TBXT: variants seen among roughly 807,000 people sequenced by gnomAD.
The protein encoded by TBXT is T-box transcription factor T.
In TBXT, 19 loss-of-function variants were observed where a neutral mutation model predicts 41.1. That is an observed-to-expected ratio of 0.46 (90% CI 0.32 to 0.68). The LOEUF (loss-of-function observed/expected upper bound fraction) is 0.68, where lower values mean the gene tolerates loss of function less well. TBXT is among the 30% of genes least tolerant of loss of function. The probability of loss-of-function intolerance (pLI) is 0.03; values close to 1 mark genes in which losing one functional copy is unlikely to be tolerated. For missense variants in TBXT, 536 were observed against 582.0 expected, an observed-to-expected ratio of 0.92 and a Z score of 0.81; for synonymous variants, 213 against 238.9, an observed-to-expected ratio of 0.89 and a Z score of 1.00.
At position 166,162,436 on chromosome 6, in the gene TBXT, T is replaced by C. The variant is rs1461818210; in HGVS notation, c.907+11A>G. On this transcript the variant is annotated intron_variant, in intron 6 of 7. Coordinates refer to ENST00000366876, the MANE Select transcript of TBXT (RefSeq NM_001366285.2). Reference sequence around the variant, plus strand: ...CCACCAACCCCTGGCAGAATGAGGCTGAGGACTCACTTGGAGAATTGTTCC... The same window carrying C: ...CCACCAACCCCTGGCAGAATGAGGCCGAGGACTCACTTGGAGAATTGTTCC... 6.2e-7 allele frequency: 1 copy of C among 1,614,104 alleles called. No individual in the cohort carries two copies. The highest frequency in any genetic ancestry group is 1.7e-5 in the Admixed American group (1 of 60,022).
At chr6:166,167,942 G>A (rs1400765686), upstream of TBXT, 3 of 381,114 alleles carry the variant, frequency 7.9e-6, no homozygotes, top group East Asian at 1.8e-4. Flanking sequence ...GCTTTGAAGT[G>A]CCGGGCAGCC....
intron 2 of TBXT, among the ~76,000 whole-genome samples, chr6:166,166,296 C>A (rs1490376698): frequency 7.3e-6 from 1 of 136,086 alleles, no homozygotes; most frequent in Admixed American, 6.8e-5. Context: ...TGCGACTTTG[C>A]CATCAAGGCT....
chr6:166,159,168 G>A (rs995517249), intron 7 of TBXT, among the ~76,000 whole-genome samples: 11 of 152,294 alleles, frequency 7.2e-5, no homozygotes, highest in South Asian at 6.2e-4. Context: ...GTGAAACTCC[G>A]TCAAACAAAC....
chr6:166,166,972 C>T, intron 1 of TBXT, 116 bp from the exon 2 acceptor site: 1 of 1,549,988 alleles, frequency 6.5e-7, no homozygotes. Flanking sequence ...CCCTGGGGAA[C>T]GTCCGAGGGT....
At position 166,161,679 on chromosome 6, in the gene TBXT, T is replaced by C. The variant is rs139125491; in HGVS notation, c.908-713A>G. ...GGCTCACGCCTGTAATCCCAGCACT[T>C]TGGGAGGCCGAGGCGGGTGGATCAC... On this transcript the variant is annotated intron_variant, in intron 6 of 7. Coordinates refer to ENST00000366876, the MANE Select transcript of TBXT (RefSeq NM_001366285.2). Among the ~76,000 whole-genome samples the C allele has an allele frequency of 1.5e-3, 228 of 151,068 alleles. 1 individual carries two copies. The highest frequency in any genetic ancestry group is 5.2e-3 in the African/African-American group (215 of 41,132).
Position 166,158,550 on chromosome 6 carries a change from A to G in TBXT, c.1076T>C (p.Val359Ala). The G allele has an allele frequency of 1.3e-6, 2 of 1,591,590 alleles. No homozygotes were observed. Among genetic ancestry groups the G allele is most frequent in the Non-Finnish European group, 1.7e-6 (2 of 1,165,428 alleles). Residue 359 changes from valine (V) to alanine (A), a missense_variant, in exon 8 of 8, where the codon GTC (valine) becomes GCC (alanine). Transcript: ENST00000366876. The part of the protein sequence containing the change: ...PSLWSVSNGA[V>A]TPGSQAAAVS... Reference sequence around the variant, plus strand: ...GGCTGCTGCCTGGGAGCCCGGGGTGACGGCGCCGTTGCTCACAGACCACAG... The same window carrying G: ...GGCTGCTGCCTGGGAGCCCGGGGTGGCGGCGCCGTTGCTCACAGACCACAG...
rs770409084 is a variant in TBXT, at chr6:166,165,687, C to G, written c.606+19G>C. On this transcript the variant is annotated intron_variant, in intron 3 of 7. Coordinates refer to ENST00000366876, the MANE Select transcript of TBXT (RefSeq NM_001366285.2). Reference sequence around the variant, plus strand: ...CACCGCAGCACACCGGGAAAGCGATCCGCCTCTGTCCTTCTCACCTCCTCG... The same window carrying G: ...CACCGCAGCACACCGGGAAAGCGATGCGCCTCTGTCCTTCTCACCTCCTCG... 2 of 1,613,550 alleles carry G rather than the reference C, an allele frequency of 1.2e-6. No homozygotes were observed. The highest frequency in any genetic ancestry group is 3.3e-5 in the Admixed American group (2 of 60,018).
rs779700774 is a variant in TBXT at position 166,160,855 on chromosome 6, C to T, written c.1019G>A (p.Ser340Asn). 5.0e-6 allele frequency: 8 copies of T among 1,614,024 alleles called. No homozygotes were observed. Among genetic ancestry groups the T allele is most frequent in the Non-Finnish European group, 6.8e-6 (8 of 1,180,040 alleles). Reference sequence around the variant, plus strand: ...ACATTACCTGGAGCTGGTAGGTGGGCTGGCATTGTGGCTCACGGGGAGCAT... The same window carrying T: ...ACATTACCTGGAGCTGGTAGGTGGGTTGGCATTGTGGCTCACGGGGAGCAT... The part of the protein sequence containing the change: ...PSMLPVSHNA[S>N]PPTSSSQYPS... Residue 340 changes from serine (S) to asparagine (N), a missense_variant, in exon 7 of 8, where the codon AGC (serine) becomes AAC (asparagine). Ser to Asn is a conservative substitution (Grantham distance 46, BLOSUM62 1). Transcript: ENST00000366876.
chr6:166,160,665 T>C (rs1778924802), intron 7 of TBXT, among the ~76,000 whole-genome samples, 172 bp downstream of exon 7: 1 of 152,128 alleles, frequency 6.6e-6, no homozygotes, highest in Non-Finnish European at 1.5e-5. Flanking sequence ...TCGGCAGTCA[T>C]GTCACCTGCA....
chr6:166,168,388 T>C (rs1779212530), upstream of TBXT: 1 of 152,294 alleles, frequency 6.6e-6, no homozygotes, highest in Admixed American at 6.5e-5. Context: ...TGGCCGGGCT[T>C]TGGGATGCGC....
At chr6:166,166,516 C>T in intron 2 of TBXT, 76 bp downstream of exon 2, 1 of 1,607,572 alleles carries the variant, frequency 6.2e-7, no homozygotes, top group Non-Finnish European at 8.5e-7. Flanking sequence ...GCGTCCCTTC[C>T]CACAACCCCC....
intron 3 of TBXT, among the ~76,000 whole-genome samples, chr6:166,165,352 G>A (rs902272046): frequency 6.6e-6 from 1 of 152,016 alleles, no homozygotes; most frequent in African/African-American, 2.4e-5. Context: ...CCACCCTTTG[G>A]GGAAGATTTC....
At chr6:166,159,151 AACAAGAGTGAAACTCCGTCAAAC>A (rs1288286307) in intron 7 of TBXT, among the ~76,000 whole-genome samples, 3 of 152,256 alleles carry the variant, frequency 2.0e-5, no homozygotes, top group Admixed American at 2.0e-4. Flanking sequence ...CAGTCTGGGC[AACAAGAGTGAAACTCCGTCAAAC>A]AAACACACAA....
intron 7 of TBXT, among the ~76,000 whole-genome samples, chr6:166,160,021 T>G (rs2128521545): frequency 6.6e-6 from 1 of 152,338 alleles, no homozygotes; most frequent in African/African-American, 2.4e-5. Context: ...CATATTTTGG[T>G]ATTCTAGAAA....
intron 4 of TBXT, 39 bp downstream of exon 4, chr6:166,164,761 T>C (rs199772922): frequency 6.2e-7 from 1 of 1,611,752 alleles, no homozygotes; most frequent in African/African-American, 1.3e-5. Context: ...TTCTGCATAC[T>C]TCTTTGCCCA....
At chr6:166,161,041 C>T (rs1778941101) in intron 6 of TBXT, 75 bp from the exon 7 acceptor site, 2 of 1,576,602 alleles carry the variant, frequency 1.3e-6, no homozygotes, top group Non-Finnish European at 1.7e-6. Flanking sequence ...GAAATACCAC[C>T]AATAACTGAA....
chr6:166,168,076 C>A (rs1779194503), upstream of TBXT, among the ~76,000 whole-genome samples: 1 of 152,164 alleles, frequency 6.6e-6, no homozygotes, highest in African/African-American at 2.4e-5. Flanking sequence ...CGAGCCCCGG[C>A]CCAGCCCCTA....
chr6:166,162,513 G>T lies in TBXT; in HGVS notation c.841C>A (p.Pro281Thr), dbSNP rs759343495. The change falls in exon 6 of 8, where the codon CCA becomes ACA. Residue 281 changes from proline to threonine, a missense_variant. By Grantham distance (38) the Pro-to-Thr change is conservative. Coordinates refer to ENST00000366876, the MANE Select transcript of TBXT (RefSeq NM_001366285.2). ...LPSTHSCDRY[P>T]TLRSHRSSPY... ...GAGGACCGGTGGCTCCTCAGGGTTG[G>T]GTACCTGTCACAGCTGTGCGTGGAG... The T allele has an allele frequency of 2.5e-6, 4 of 1,614,028 alleles. No individual in the cohort carries two copies. The highest frequency in any genetic ancestry group is 1.3e-5 in the African/African-American group (1 of 74,906).
Position 166,165,813 on chromosome 6 carries a change from CATACTT to C in TBXT, c.493_498del (p.Lys165_Tyr166del). 3.7e-6 allele frequency: 6 copies of C among 1,614,186 alleles called. No homozygotes were observed. The highest frequency in any genetic ancestry group is 5.1e-6 in the Non-Finnish European group (6 of 1,180,040). ...ACTCTCACTATGTGGATTCGAGGCT[CATACTT>C]ATGCAAGGAGTTCAGCATGATCTGA... On this transcript the variant is annotated inframe_deletion, in exon 3 of 8. Transcript: ENST00000366876.
Sources: allele counts gnomAD v4.1 joint callset (sites outside exome capture counted in the v4.1 genomes callset), GRCh38; gene constraint gnomAD v4.1.1; transcripts MANE v1.5; gene names NCBI Gene and HGNC (gene_info 2026-07-23, HGNC 2026-07-21).